Variants in SRFBP1 observed in about 807,000 individuals in gnomAD.
SRFBP1 encodes serum response factor binding protein 1.
Under a neutral mutation model 45.5 loss-of-function variants are expected in SRFBP1, and 47 were observed. The ratio of observed to expected loss-of-function variants is 1.03; its 90% CI spans 0.82 to 1.32. SRFBP1 has a LOEUF of 1.32. SRFBP1 is among the 40% of genes most tolerant of loss of function. The probability of loss-of-function intolerance (pLI) is 0.00; values close to 1 mark genes in which losing one functional copy is unlikely to be tolerated. For synonymous variants in SRFBP1, 203 were observed against 166.3 expected (o/e 1.22, Z -1.70); for missense variants, 621 against 484.6 (o/e 1.28, Z -2.64).
At position 122,027,034 on chromosome 5, in the gene SRFBP1, C is replaced by A; in HGVS notation, c.1198C>A (p.Leu400Ile). ...ENTKQQLQLP[L>I]HPSWEASRRR... The stretch of plus-strand genomic sequence containing the variant: ...TACAAAACAGCAATTGCAGCTGCCT[C>A]TTCATCCTTCATGGGAAGCAAGCAG... Residue 400 changes from leucine to isoleucine, a missense_variant, in exon 8 of 8, where the codon CTT (leucine) becomes ATT (isoleucine). Transcript: ENST00000339397. The A allele has an allele frequency of 6.2e-7, 1 of 1,612,886 alleles. No homozygotes were observed. The highest frequency in any genetic ancestry group is 8.5e-7 in the Non-Finnish European group (1 of 1,179,668).
intron 4 of SRFBP1, among the ~76,000 whole-genome samples, chr5:122,003,346 GAAAAAAAA>G (rs11300712): frequency 1.9e-5 from 2 of 106,132 alleles, no homozygotes; most frequent in Admixed American, 2.1e-4. Flanking sequence ...CTGTCTCAGA[GAAAAAAAA>G]AAAAAAAATG....
intron 2 of SRFBP1, among the ~76,000 whole-genome samples, chr5:122,043,960 T>G (rs1753811739): frequency 6.6e-6 from 1 of 152,218 alleles, no homozygotes; most frequent in East Asian, 1.9e-4. Flanking sequence ...TCCCTGGTAA[T>G]GCGCATGATA....
intron 2 of SRFBP1, among the ~76,000 whole-genome samples, chr5:122,059,298 G>T (rs903484791): frequency 1.3e-5 from 2 of 152,072 alleles, no homozygotes; most frequent in African/African-American, 4.8e-5. Context: ...TTTTCTTGAG[G>T]TTGGAGGTCT....
intron 1 of SRFBP1, among the ~76,000 whole-genome samples, chr5:121,962,552 T>G (rs1363261813): frequency 1.3e-5 from 2 of 152,242 alleles, no homozygotes; most frequent in African/African-American, 4.8e-5. Flanking sequence ...TCGTTTCCTC[T>G]TCCAGTTAGT....
rs1294048942 is a variant in SRFBP1, at chr5:122,027,119, A to G, written c.1283A>G (p.Asp428Gly). The change falls in exon 8 of 8, where the codon GAT (aspartate) becomes GGT (glycine). Residue 428 changes from aspartate to glycine, a missense_variant. Coordinates refer to ENST00000339397, the MANE Select transcript of SRFBP1 (RefSeq NM_152546.3). ...TTTCAGGGGAAAAAAATTACGTTTG[A>G]TGATTGATTAGTGCCTCTTTCTGCA... ...AVFQGKKITF[D>G]D 6.9e-6 allele frequency: 11 copies of G among 1,600,274 alleles called. No homozygotes were observed. Among genetic ancestry groups the G allele is most frequent in the Non-Finnish European group, 8.5e-6 (10 of 1,175,544 alleles).
chr5:122,053,301 G>A (rs1170603405), intron 2 of SRFBP1, among the ~76,000 whole-genome samples: 3 of 152,168 alleles, frequency 2.0e-5, no homozygotes, highest in African/African-American at 4.8e-5. Context: ...GATGTTTCCA[G>A]GGTAAGAAGA....
At chr5:122,021,069 G>C (rs548615311) in intron 6 of SRFBP1, among the ~76,000 whole-genome samples, 1 of 152,256 alleles carries the variant, frequency 6.6e-6, no homozygotes, top group South Asian at 2.1e-4. Flanking sequence ...ACTTATCAAA[G>C]TTTTGAAACT....
chr5:122,051,789 GTCATCATGT>G (rs1561409556), intron 2 of SRFBP1, among the ~76,000 whole-genome samples: 1 of 152,078 alleles, frequency 6.6e-6, no homozygotes, highest in African/African-American at 2.4e-5. Flanking sequence ...ATTTGATCCT[GTCATCATGT>G]TCTTAGCTGG....
chr5:122,021,834 G>A (rs1286156148), intron 6 of SRFBP1, among the ~76,000 whole-genome samples: 2 of 150,604 alleles, frequency 1.3e-5, no homozygotes, highest in South Asian at 2.1e-4. Flanking sequence ...ATGCCACCAC[G>A]CCCGGCTAAT....
intron 7 of SRFBP1, among the ~76,000 whole-genome samples, chr5:122,024,759 A>G (rs1025594742): frequency 6.6e-6 from 1 of 152,224 alleles, no homozygotes; most frequent in African/African-American, 2.4e-5. Context: ...TGTAAATATA[A>G]GACATACCTA....
intron 3 of SRFBP1, among the ~76,000 whole-genome samples, chr5:121,981,359 T>G (rs1406099143): frequency 6.6e-6 from 1 of 151,970 alleles, no homozygotes; most frequent in Non-Finnish European, 1.5e-5. Flanking sequence ...ATGAGCACGT[T>G]TAAAAACACA....
intron 7 of SRFBP1, among the ~76,000 whole-genome samples, chr5:122,022,650 T>C (rs1228046666): frequency 3.9e-5 from 6 of 152,220 alleles, no homozygotes; most frequent in African/African-American, 1.4e-4. Flanking sequence ...ATTTAACTTA[T>C]CTCAAATTAA....
Position 122,022,362 on chromosome 5 carries a change from T to G in SRFBP1, c.1068-8T>G. The G allele has an allele frequency of 6.2e-7, 1 of 1,608,048 alleles. No individual in the cohort carries two copies. Among genetic ancestry groups the G allele is most frequent in the Non-Finnish European group, 8.5e-7 (1 of 1,177,088 alleles). On this transcript the variant is annotated splice_polypyrimidine_tract_variant and splice_region_variant and intron_variant, in intron 6 of 7. Transcript: ENST00000339397. The stretch of plus-strand genomic sequence containing the variant: ...TAAAAAGTCATAATGGTGTTTTTCT[T>G]CTTTTAGAAATTTCAAAGAACAGGC...
At chr5:121,993,091 A>G (rs1290913254) in intron 3 of SRFBP1, among the ~76,000 whole-genome samples, 1 of 152,110 alleles carries the variant, frequency 6.6e-6, no homozygotes, top group Non-Finnish European at 1.5e-5. Context: ...TGGCAAACAT[A>G]TTTCTTTAAA....
intron 2 of SRFBP1, among the ~76,000 whole-genome samples, chr5:122,067,460 A>G (rs1203693179): frequency 6.6e-6 from 1 of 152,132 alleles, no homozygotes; most frequent in Non-Finnish European, 1.5e-5. Context: ...ACACATCAAC[A>G]GAATGCTCTT....
At chr5:122,041,093 A>T (rs932122913) in intron 2 of SRFBP1, among the ~76,000 whole-genome samples, 9 of 152,284 alleles carry the variant, frequency 5.9e-5, no homozygotes, top group Non-Finnish European at 1.2e-4. Flanking sequence ...TTTTCAGTTT[A>T]TCAATGACTC....
chr5:122,010,278 T>G (rs941878539), intron 4 of SRFBP1, among the ~76,000 whole-genome samples: 3 of 152,142 alleles, frequency 2.0e-5, no homozygotes, highest in African/African-American at 7.2e-5. Context: ...TTTTCCTTTT[T>G]GTTCTTGTTG....
chr5:122,019,306 A>G lies in SRFBP1; in HGVS notation c.317A>G (p.His106Arg). The G allele has an allele frequency of 3.7e-6, 6 of 1,612,624 alleles. No homozygotes were observed. Among genetic ancestry groups the G allele is most frequent in the South Asian group, 3.3e-5 (3 of 90,916 alleles). Reference protein sequence around the residue: ...TERAIARLAVHPLLKKKIDVL... With the variant: ...TERAIARLAVRPLLKKKIDVL... ...AGAGCAATTGCCAGACTAGCAGTACATCCTCTTCTGAAGAAAAAGATAGAT... is the reference window on the plus strand; with the variant it reads ...AGAGCAATTGCCAGACTAGCAGTACGTCCTCTTCTGAAGAAAAAGATAGAT... The change falls in exon 5 of 8, where the codon CAT becomes CGT. Residue 106 changes from histidine (H) to arginine (R), a missense_variant. Transcript: ENST00000339397.
intron 3 of SRFBP1, among the ~76,000 whole-genome samples, chr5:121,984,885 T>C (rs968108864): frequency 6.6e-6 from 1 of 151,868 alleles, no homozygotes; most frequent in Non-Finnish European, 1.5e-5. Context: ...TAGCTGTCTT[T>C]ATTTCAGTTA....
Sources: allele counts gnomAD v4.1 joint callset (sites outside exome capture counted in the v4.1 genomes callset), GRCh38; gene constraint gnomAD v4.1.1; transcripts MANE v1.5; gene names NCBI Gene and HGNC (gene_info 2026-07-23, HGNC 2026-07-21).